TRAPPC9: variants seen among roughly 807,000 people sequenced by gnomAD.
The protein encoded by TRAPPC9 is IKK2 binding protein.
A neutral mutation model predicts 124.0 loss-of-function variants in TRAPPC9; 83 were observed. The ratio of observed to expected loss-of-function variants is 0.67; its 90% CI spans 0.56 to 0.80. The LOEUF is 0.80. Among genes scored for constraint, TRAPPC9 ranks in the 30% least tolerant of loss-of-function variants. The pLI is 0.00. For synonymous variants in TRAPPC9, 638 were observed against 617.5 expected (o/e 1.03, Z -0.49); for missense variants, 1,302 against 1,508.3 (o/e 0.86, Z 2.27).
At chr8:140,447,935 A>C (rs2071325773) in intron 2 of TRAPPC9, among the ~76,000 whole-genome samples, 2 of 152,138 alleles carry the variant, frequency 1.3e-5, no homozygotes, top group African/African-American at 4.8e-5. Context: ...ACTTGAGGTC[A>C]GGAGTTCGAG....
At chr8:140,229,339 T>G (rs1455643591) in intron 16 of TRAPPC9, among the ~76,000 whole-genome samples, 1 of 139,296 alleles carries the variant, frequency 7.2e-6, no homozygotes, top group African/African-American at 2.8e-5. Context: ...CTCGGCTCAC[T>G]GCAATCTCCA....
intron 21 of TRAPPC9, among the ~76,000 whole-genome samples, chr8:139,885,590 T>C (rs1829952739): frequency 1.3e-5 from 2 of 152,174 alleles, no homozygotes; most frequent in South Asian, 4.1e-4. Flanking sequence ...AGTCAAGATG[T>C]AGGCCAAGAT....
intron 17 of TRAPPC9, among the ~76,000 whole-genome samples, chr8:140,072,297 G>T (rs1843203694): frequency 6.6e-6 from 1 of 152,176 alleles, no homozygotes; most frequent in Non-Finnish European, 1.5e-5. Flanking sequence ...ACTTTGGGAG[G>T]CTAAGGCGGG....
At chr8:140,158,740 C>A (rs1196221210) in intron 17 of TRAPPC9, among the ~76,000 whole-genome samples, 6 of 152,222 alleles carry the variant, frequency 3.9e-5, no homozygotes. Flanking sequence ...CACCCAGACT[C>A]CCCTGCTGTG....
chr8:140,409,673 T>C (rs2069624781), intron 5 of TRAPPC9, among the ~76,000 whole-genome samples: 1 of 152,136 alleles, frequency 6.6e-6, no homozygotes, highest in Non-Finnish European at 1.5e-5. Context: ...ATCTCCAGGA[T>C]ACATTAGCAA....
At chr8:140,361,381 G>A (rs762164893) in intron 8 of TRAPPC9, among the ~76,000 whole-genome samples, 3 of 152,168 alleles carry the variant, frequency 2.0e-5, no homozygotes, top group Admixed American at 1.3e-4. Flanking sequence ...GAGATGCTGC[G>A]TCAGCCAGGG....
intron 3 of TRAPPC9, among the ~76,000 whole-genome samples, chr8:140,437,160 A>ATTTTAT (rs71320360): frequency 6.6e-6 from 1 of 151,114 alleles, no homozygotes; most frequent in East Asian, 1.9e-4. Flanking sequence ...ATTTTATTTT[A>ATTTTAT]TTTTGGTAGA....
At chr8:140,046,936 G>A (rs945742715) in intron 17 of TRAPPC9, among the ~76,000 whole-genome samples, 5 of 152,152 alleles carry the variant, frequency 3.3e-5, no homozygotes, top group African/African-American at 4.8e-5. Context: ...TATTCTGTAG[G>A]CCTGTTCTGA....
chr8:140,283,591 A>C (rs893104399), intron 14 of TRAPPC9, among the ~76,000 whole-genome samples: 1 of 151,990 alleles, frequency 6.6e-6, no homozygotes, highest in Non-Finnish European at 1.5e-5. Context: ...CCACCGCGCC[A>C]GGCCAAAATT....
Position 139,825,986 on chromosome 8 carries a change from C to G in TRAPPC9, c.3055+59893G>C, listed in dbSNP as rs184779518. On this transcript the variant is annotated intron_variant, in intron 21 of 22. Transcript: ENST00000438773. This position sits in a 1 kb window ranked among gnomAD's most constrained non-coding sequence, Gnocchi z 4.6. ...GAGGATGTGCAACAGCAGGGGAGCT[C>G]CAGGGCCCCTGTCCTCTCCCAGGTG... Among the ~76,000 whole-genome samples, 3 of 152,278 alleles carry G rather than the reference C, an allele frequency of 2.0e-5. No homozygotes were observed. The highest frequency in any genetic ancestry group is 2.0e-4 in the Admixed American group (3 of 15,298).
At position 140,443,312 on chromosome 8, in the gene TRAPPC9, T is replaced by C. The variant is rs978949325; in HGVS notation, c.585-4115A>G. ...TTAGCCAGGCGTGGTGGTGGGCGCC[T>C]GTAGTCCCAGCTAATCAGGAGGCTG... On this transcript the variant is annotated intron_variant, in intron 2 of 22. Coordinates refer to ENST00000438773, the MANE Select transcript of TRAPPC9 (RefSeq NM_001160372.4). 2.0e-5 allele frequency among the ~76,000 whole-genome samples: 3 copies of C among 150,542 alleles called. No homozygotes were observed. The East Asian group carries it at 5.9e-4, about 29-fold the overall frequency.
intron 21 of TRAPPC9, among the ~76,000 whole-genome samples, chr8:139,847,870 A>C (rs1280968281): frequency 6.6e-6 from 1 of 152,238 alleles, no homozygotes; most frequent in African/African-American, 2.4e-5. Flanking sequence ...GGTGAAGGCA[A>C]CAGAAGCTTA....
rs2060625577 is a variant in TRAPPC9 at position 140,104,098 on chromosome 8, C to T, written c.2557-80019G>A. ...AGTTACTTAGCACTTATCCTGGGTA[C>T]CAAGCATTGTACCATATGCCAGGCT... On this transcript the variant is annotated intron_variant, in intron 17 of 22. Coordinates refer to ENST00000438773, the MANE Select transcript of TRAPPC9 (RefSeq NM_001160372.4). This position sits in a 1 kb window ranked among gnomAD's most constrained non-coding sequence, Gnocchi z 4.0. Among the ~76,000 whole-genome samples, 1 of 152,196 alleles carries T rather than the reference C, an allele frequency of 6.6e-6. No individual in the cohort carries two copies. Among genetic ancestry groups the T allele is most frequent in the Admixed American group, 6.5e-5 (1 of 15,284 alleles).
intron 16 of TRAPPC9, among the ~76,000 whole-genome samples, chr8:140,247,691 A>G (rs537617517): frequency 3.4e-4 from 52 of 152,066 alleles, no homozygotes; most frequent in Non-Finnish European, 6.9e-4. Context: ...GCATGCATGC[A>G]TGTACGTTAG....
At chr8:140,351,990 G>A (rs185865582) in intron 9 of TRAPPC9, among the ~76,000 whole-genome samples, 25 of 152,230 alleles carry the variant, frequency 1.6e-4, no homozygotes, top group East Asian at 1.5e-3. Context: ...TACCTTCACC[G>A]CCTCAACCCC....
At chr8:140,258,420 A>G (rs142676452) in intron 15 of TRAPPC9, among the ~76,000 whole-genome samples, 1,664 of 152,314 alleles carry the variant, frequency 0.011, 24 homozygotes, top group African/African-American at 0.038. Context: ...ATGTTTGCTG[A>G]TAATTCTTTT....
At chr8:139,897,617 T>C (rs1245088078) in intron 20 of TRAPPC9, among the ~76,000 whole-genome samples, 1 of 152,150 alleles carries the variant, frequency 6.6e-6, no homozygotes, top group Non-Finnish European at 1.5e-5. Flanking sequence ...CACATAGTCC[T>C]CACAACAACT....
intron 20 of TRAPPC9, among the ~76,000 whole-genome samples, chr8:139,905,876 C>G (rs973674899): frequency 6.6e-6 from 1 of 152,010 alleles, no homozygotes; most frequent in African/African-American, 2.4e-5. Flanking sequence ...GGGCGGATCA[C>G]GAGGTCAGGA....
chr8:140,069,427 G>A (rs959138456), intron 17 of TRAPPC9, among the ~76,000 whole-genome samples: 2 of 152,168 alleles, frequency 1.3e-5, no homozygotes, highest in East Asian at 1.9e-4. Context: ...GCACCAAGAC[G>A]TAAGTGCTCA....
Sources: allele counts gnomAD v4.1 joint callset (sites outside exome capture counted in the v4.1 genomes callset), GRCh38; gene constraint gnomAD v4.1.1; non-coding constraint Gnocchi (gnomAD v3.1); transcripts MANE v1.5; gene names NCBI Gene and HGNC (gene_info 2026-07-23, HGNC 2026-07-21).